The following ZFPM2 variants were observed in gnomAD, a reference collection of about 807,000 sequenced individuals.
ZFPM2 encodes zinc finger protein, FOG family member 2, also known as zinc finger protein ZFPM2.
ZFPM2 carries 20 observed loss-of-function variants against 98.6 expected under a neutral mutation model. That is an observed-to-expected ratio of 0.20 (90% CI 0.14 to 0.29). ZFPM2 has a LOEUF of 0.29. Ranked by LOEUF, ZFPM2 falls within the 10% of genes least tolerant of loss-of-function variation. The pLI, the probability that ZFPM2 is intolerant of heterozygous loss-of-function variation, is 1.00. For synonymous variants in ZFPM2, 518 were observed against 502.7 expected, an observed-to-expected ratio of 1.03 and a Z score of -0.41; for missense variants, 1,310 against 1,388.6, an observed-to-expected ratio of 0.94 and a Z score of 0.90.
intron 3 of ZFPM2, among the ~76,000 whole-genome samples, chr8:105,491,494 G>T (rs1435712606): frequency 1.3e-5 from 2 of 152,078 alleles, no homozygotes; most frequent in African/African-American, 4.8e-5. Flanking sequence ...CAGTGCACAG[G>T]CTGGCCGTTA....
chr8:105,701,019 T>C, intron 5 of ZFPM2, among the ~76,000 whole-genome samples: 1 of 152,236 alleles, frequency 6.6e-6, no homozygotes, highest in East Asian at 1.9e-4. Flanking sequence ...GTGTGTTTTG[T>C]TGGTATTTTT....
In ZFPM2 at chr8:105,803,002, A is replaced by C; in HGVS notation, c.2920A>C (p.Lys974Gln). The C allele has an allele frequency of 6.2e-7, 1 of 1,613,126 alleles. No homozygotes were observed. The highest frequency in any genetic ancestry group is 1.1e-5 in the South Asian group (1 of 90,968). ...ATGCCTTTACCCTGGAGCAATAAAGAAAGCAAAAGGAGCCGACCAGCTTTC... is the reference window on the plus strand; with the variant it reads ...ATGCCTTTACCCTGGAGCAATAAAGCAAGCAAAAGGAGCCGACCAGCTTTC... ...PQCLYPGAIK[K>Q]AKGADQLSPY... The change falls in exon 8 of 8, where the codon AAA becomes CAA. Residue 974 changes from lysine (K) to glutamine (Q), a missense_variant. Physicochemically the swap from Lys to Gln is moderately conservative, Grantham distance 53. Coordinates refer to ENST00000407775, the MANE Select transcript of ZFPM2 (RefSeq NM_012082.4).
At chr8:105,422,390 G>A (rs1238759523) in intron 2 of ZFPM2, among the ~76,000 whole-genome samples, 10 of 152,044 alleles carry the variant, frequency 6.6e-5, no homozygotes, top group African/African-American at 2.2e-4. Flanking sequence ...ACAGACAGCC[G>A]AGATTGAGCC....
At chr8:105,333,909 T>C (rs1044507670) in intron 1 of ZFPM2, among the ~76,000 whole-genome samples, 1 of 151,758 alleles carries the variant, frequency 6.6e-6, no homozygotes, top group Non-Finnish European at 1.5e-5. Context: ...AAATTGTTGA[T>C]GGTTTCTTTG....
At chr8:105,788,695 T>C in intron 5 of ZFPM2, 23 bp from the exon 6 acceptor site, 1 of 1,611,752 alleles carries the variant, frequency 6.2e-7, no homozygotes. Context: ...CAATTTTATC[T>C]TTTTCTTTTT....
chr8:105,460,025 C>G (rs1292356023), intron 3 of ZFPM2, among the ~76,000 whole-genome samples: 2 of 152,122 alleles, frequency 1.3e-5, no homozygotes, highest in African/African-American at 4.8e-5. Context: ...CTAGAACCCT[C>G]TGGTACCAGA....
intron 5 of ZFPM2, among the ~76,000 whole-genome samples, chr8:105,756,278 C>G (rs546184130): frequency 1.3e-5 from 2 of 152,064 alleles, no homozygotes; most frequent in African/African-American, 4.8e-5. Context: ...TGCAGCTAAC[C>G]AGAAATCTGT....
intron 2 of ZFPM2, among the ~76,000 whole-genome samples, chr8:105,420,677 G>A (rs1811774199): frequency 6.6e-6 from 1 of 152,064 alleles, no homozygotes; most frequent in Non-Finnish European, 1.5e-5. Flanking sequence ...TTAAATTGAT[G>A]ATATGTAGCC....
chr8:105,681,209 T>G (rs1159262848), intron 5 of ZFPM2, among the ~76,000 whole-genome samples: 1 of 152,134 alleles, frequency 6.6e-6, no homozygotes, highest in Non-Finnish European at 1.5e-5. Flanking sequence ...TCCTTGTTAG[T>G]TCTTCAGCCA....
intron 5 of ZFPM2, among the ~76,000 whole-genome samples, chr8:105,777,553 C>A (rs1813132461): frequency 6.6e-6 from 1 of 152,106 alleles, no homozygotes; most frequent in East Asian, 1.9e-4. Context: ...TCAGGAGTGC[C>A]AGCATGGGAA....
At chr8:105,417,776 A>G (rs1811707952) in intron 1 of ZFPM2, among the ~76,000 whole-genome samples, 1 of 152,188 alleles carries the variant, frequency 6.6e-6, no homozygotes, top group South Asian at 2.1e-4. Context: ...TGGTTCTTTT[A>G]ACCTTCTACC....
chr8:105,579,168 C>T (rs16873410), intron 4 of ZFPM2, among the ~76,000 whole-genome samples: 2,249 of 148,280 alleles, frequency 0.015, 24 homozygotes, highest in East Asian at 0.063. Flanking sequence ...TTGTAGTAAA[C>T]TGCATTGCCT....
intron 3 of ZFPM2, among the ~76,000 whole-genome samples, chr8:105,538,190 C>T (rs897158798): frequency 1.3e-5 from 2 of 152,176 alleles, no homozygotes; most frequent in Middle Eastern, 3.4e-3. Flanking sequence ...CCCAACCATA[C>T]CCAGGGCAAG....
chr8:105,724,719 T>C (rs1288837372), intron 5 of ZFPM2, among the ~76,000 whole-genome samples: 3 of 151,882 alleles, frequency 2.0e-5, no homozygotes, highest in Admixed American at 1.3e-4. Flanking sequence ...ATGTTAACTT[T>C]TTCTGTTTGT....
At chr8:105,748,956 TCA>T (rs1180640175) in intron 5 of ZFPM2, among the ~76,000 whole-genome samples, 1 of 152,060 alleles carries the variant, frequency 6.6e-6, no homozygotes, top group Non-Finnish European at 1.5e-5. Context: ...AAATTGAAAG[TCA>T]CAATATAGAC....
chr8:105,703,373 C>T (rs1371818045), intron 5 of ZFPM2, among the ~76,000 whole-genome samples: 4 of 151,908 alleles, frequency 2.6e-5, no homozygotes, highest in Admixed American at 6.6e-5. Context: ...GGAGAAAATC[C>T]GTATTAAGGA....
At chr8:105,709,433 G>T (rs1272846176) in intron 5 of ZFPM2, among the ~76,000 whole-genome samples, 1 of 152,088 alleles carries the variant, frequency 6.6e-6, no homozygotes, top group Non-Finnish European at 1.5e-5. Flanking sequence ...ATCTCACTGG[G>T]TTAATAGCAT....
At chr8:105,366,731 C>T (rs1437414229) in intron 1 of ZFPM2, among the ~76,000 whole-genome samples, 6 of 142,640 alleles carry the variant, frequency 4.2e-5, no homozygotes, top group Non-Finnish European at 9.0e-5. Flanking sequence ...CATGTGATCT[C>T]ATTGTTCAAT....
rs536415362 is a variant in ZFPM2, at chr8:105,533,886, T to C, written c.302-27477T>C. 1.3e-3 allele frequency among the ~76,000 whole-genome samples: 16 copies of C among 12,086 alleles called. 2 individuals are homozygous for C. The African/African-American group carries it at 0.017, about 13-fold the overall frequency. 7.9% of individuals were successfully genotyped at this position (12,086 alleles called of 152,430 possible). ...CTTTCTCCCTCCCTCCCTTCTTTCC[T>C]TCCTTCCTTTCTTCCTACCTCCTTC... is the stretch of plus-strand genomic sequence containing the variant. On this transcript the variant is annotated intron_variant, in intron 3 of 7. Transcript: ENST00000407775.
Sources: gnomAD v4.1 joint callset for allele counts (sites outside exome capture counted in the v4.1 genomes callset) on GRCh38, gnomAD v4.1.1 for gene constraint, MANE v1.5 for transcripts, NCBI Gene and HGNC (gene_info 2026-07-23, HGNC 2026-07-21) for gene names.